NKD1: variants seen among roughly 807,000 people sequenced by gnomAD.
NKD1 encodes NKD inhibitor of Wnt signaling pathway 1, also known as protein naked cuticle homolog 1.
Under a neutral mutation model 56.0 loss-of-function variants are expected in NKD1, and 21 were observed. That is an observed-to-expected ratio of 0.38 (90% CI 0.27 to 0.54). The LOEUF (loss-of-function observed/expected upper bound fraction) is 0.54, where lower values mean the gene tolerates loss of function less well. NKD1 is among the 20% of genes least tolerant of loss of function. The pLI is 0.82. For missense variants in NKD1, 578 were observed against 642.7 expected (o/e 0.90, Z 1.09); for synonymous variants, 263 against 265.7 (o/e 0.99, Z 0.10).
Position 50,646,512 on chromosome 16 carries a change from C to G in NKD1, c.*12731C>G, listed in dbSNP as rs1962683256. 1.3e-5 allele frequency: 2 copies of G among 152,104 alleles called. No homozygotes were observed. Among genetic ancestry groups the G allele is most frequent in the South Asian group, 4.2e-4 (2 of 4,818 alleles). The allele number at this position is 152,104 out of a possible 1,614,324, so 9.4% of individuals were successfully genotyped here. ...GGAGGAGGCGGCCTTGTGGCAGGTG[C>G]TGGGAGGCAGGGACTGGGGCCGGGC... On this transcript the variant is annotated 3_prime_UTR_variant, in exon 10 of 10. Coordinates refer to ENST00000268459, the MANE Select transcript of NKD1 (RefSeq NM_033119.5).
chr16:50,598,229 C>CTGTGTGTGTGTGTGTGTGTGTGTGTG lies in NKD1; in HGVS notation c.193-10056_193-10031dup, dbSNP rs5816707. 7.0e-6 allele frequency among the ~76,000 whole-genome samples: 1 copy of CTGTGTGTGTGTGTGTGTGTGTGTGTG among 143,862 alleles called. No individual in the cohort carries two copies. The highest frequency in any genetic ancestry group is 2.6e-5 in the African/African-American group (1 of 37,852). 94.4% of individuals were successfully genotyped at this position (143,862 alleles called of 152,430 possible). ...CACTGCAGGGCCGCATGGGTGGACTCTGTGTGTGTGTGTGTGTGTGTGTGT... is the reference window on the plus strand; with the variant it reads ...CACTGCAGGGCCGCATGGGTGGACTCTGTGTGTGTGTGTGTGTGTGTGTGTGTGTGTGTGTGTGTGTGTGTGTGTGT... On this transcript the variant is annotated intron_variant, in intron 3 of 9. Coordinates refer to ENST00000268459, the MANE Select transcript of NKD1 (RefSeq NM_033119.5). This position sits in a 1 kb window ranked among gnomAD's most constrained non-coding sequence, Gnocchi z 4.2.
rs1291914607 is a variant in NKD1, at chr16:50,641,602, C to T, written c.*7821C>T. On this transcript the variant is annotated 3_prime_UTR_variant, in exon 10 of 10. Coordinates refer to ENST00000268459, the MANE Select transcript of NKD1 (RefSeq NM_033119.5). ...TTCCAATGGTGCACATGCCTTTTTT[C>T]CTGCGCCCGGAGCCCCTCTCAGCCT... 1 of 152,198 alleles carries T rather than the reference C, an allele frequency of 6.6e-6. No homozygotes were observed. The highest frequency in any genetic ancestry group is 1.5e-5 in the Non-Finnish European group (1 of 68,056). 9.4% of individuals were successfully genotyped at this position (152,198 alleles called of 1,614,324 possible).
chr16:50,596,010 C>T (rs374469068), intron 3 of NKD1, among the ~76,000 whole-genome samples: 20 of 152,226 alleles, frequency 1.3e-4, no homozygotes, highest in African/African-American at 3.9e-4. Context: ...CCTGAGCCCC[C>T]GATGACAGCC....
intron 3 of NKD1, among the ~76,000 whole-genome samples, chr16:50,562,671 G>T (rs968172574): frequency 5.9e-5 from 9 of 152,108 alleles, no homozygotes; most frequent in Non-Finnish European, 8.8e-5. Flanking sequence ...CTGAGCCTGA[G>T]TCAGAACCTT....
rs1962329412 is a variant in NKD1, at chr16:50,630,864, A to G, written c.649A>G (p.Thr217Ala). Residue 217 changes from threonine to alanine, a missense_variant, in exon 8 of 10, where the codon ACT becomes GCT. Transcript: ENST00000268459. ...SARPRAETKP[T>A]EDLRSWEKKQ... ...AAGGCCCCGAGCAGAGACCAAGCCCACTGAGGACCTGCGGAGCTGGGAGAA... is the reference window on the plus strand; with the variant it reads ...AAGGCCCCGAGCAGAGACCAAGCCCGCTGAGGACCTGCGGAGCTGGGAGAA... 1.9e-6 allele frequency: 3 copies of G among 1,606,966 alleles called. No individual in the cohort carries two copies. Among genetic ancestry groups the G allele is most frequent in the Non-Finnish European group, 2.5e-6 (3 of 1,177,276 alleles).
intron 3 of NKD1, among the ~76,000 whole-genome samples, chr16:50,585,571 G>C (rs187727318): frequency 1.5e-4 from 23 of 152,330 alleles, no homozygotes; most frequent in Admixed American, 1.4e-3. Flanking sequence ...CGTGGAGCTG[G>C]CTCTCCAGAG....
chr16:50,571,542 C>G, intron 3 of NKD1: 1 of 985,330 alleles, frequency 1.0e-6, no homozygotes, highest in Non-Finnish European at 1.2e-6. Context: ...TCCCAGCCTC[C>G]CAGTCCCAGT....
At chr16:50,569,953 C>T (rs1247821015) in intron 3 of NKD1, among the ~76,000 whole-genome samples, 2 of 152,164 alleles carry the variant, frequency 1.3e-5, no homozygotes, top group Admixed American at 1.3e-4. Flanking sequence ...CGGGCGGGCA[C>T]TGCCTACCAT....
At chr16:50,622,402 G>C (rs1271514880) in intron 5 of NKD1, among the ~76,000 whole-genome samples, 1 of 152,038 alleles carries the variant, frequency 6.6e-6, no homozygotes, top group East Asian at 1.9e-4. Context: ...GCACGCTCCT[G>C]TGCCCCCAGC....
At chr16:50,560,408 G>A (rs1160338431) in intron 3 of NKD1, among the ~76,000 whole-genome samples, 1 of 152,230 alleles carries the variant, frequency 6.6e-6, no homozygotes, top group African/African-American at 2.4e-5. Context: ...TGTGTGCCAG[G>A]CTCTGGGCCA....
chr16:50,620,798 C>T (rs1193385639), intron 4 of NKD1, among the ~76,000 whole-genome samples: 1 of 152,168 alleles, frequency 6.6e-6, no homozygotes, highest in Admixed American at 6.5e-5. Flanking sequence ...AAAATAGTGT[C>T]AGTAGGTCCT....
At position 50,598,229 on chromosome 16, in the gene NKD1, CTGTGTGTG is replaced by C. The variant is rs5816707; in HGVS notation, c.193-10038_193-10031del. 3.9e-4 allele frequency among the ~76,000 whole-genome samples: 56 copies of C among 143,960 alleles called. No individual in the cohort carries two copies. Among genetic ancestry groups the C allele is most frequent in the African/African-American group, 1.4e-3 (52 of 37,956 alleles). The allele number at this position is 143,960 out of a possible 152,430, so 94.4% of individuals were successfully genotyped here. On this transcript the variant is annotated intron_variant, in intron 3 of 9. Transcript: ENST00000268459. This position sits in a 1 kb window ranked among gnomAD's most constrained non-coding sequence, Gnocchi z 4.2. ...CACTGCAGGGCCGCATGGGTGGACTCTGTGTGTGTGTGTGTGTGTGTGTGTGTGTGTGT... is the reference window on the plus strand; with the variant it reads ...CACTGCAGGGCCGCATGGGTGGACTCTGTGTGTGTGTGTGTGTGTGTGTGT...
chr16:50,564,996 C>T (rs1028051440), intron 3 of NKD1, among the ~76,000 whole-genome samples: 2 of 152,146 alleles, frequency 1.3e-5, no homozygotes, highest in Non-Finnish European at 2.9e-5. Context: ...GCACAGACAG[C>T]AGAAGCTGTC....
At chr16:50,581,506 C>CT (rs1281531719) in intron 3 of NKD1, among the ~76,000 whole-genome samples, 3 of 152,338 alleles carry the variant, frequency 2.0e-5, no homozygotes, top group South Asian at 4.1e-4. Flanking sequence ...GCATTCCTGC[C>CT]TGTACCTGCT....
chr16:50,608,885 T>C (rs1156741425), intron 4 of NKD1, among the ~76,000 whole-genome samples: 1 of 152,154 alleles, frequency 6.6e-6, no homozygotes, highest in African/African-American at 2.4e-5. Context: ...TGGAGTGCAG[T>C]AGGTAATTGT....
chr16:50,601,622 G>A (rs1220436971), intron 3 of NKD1, among the ~76,000 whole-genome samples: 1 of 152,214 alleles, frequency 6.6e-6, no homozygotes, highest in Non-Finnish European at 1.5e-5. Context: ...ATGCAGCCTT[G>A]GCACCAGAGA....
intron 3 of NKD1, among the ~76,000 whole-genome samples, chr16:50,567,631 C>T (rs1960790922): frequency 6.6e-6 from 1 of 152,194 alleles, no homozygotes; most frequent in Admixed American, 6.5e-5. Context: ...CAGGTGACAG[C>T]TCCCTTGTGT....
chr16:50,635,549 G>C lies in NKD1; in HGVS notation c.*1768G>C, dbSNP rs544616080. 3 of 152,344 alleles carry C rather than the reference G, an allele frequency of 2.0e-5. No individual in the cohort carries two copies. The highest frequency in any genetic ancestry group is 6.5e-5 in the Admixed American group (1 of 15,306). 9.4% of individuals were successfully genotyped at this position (152,344 alleles called of 1,614,324 possible). A position where few individuals can be genotyped will look rare whatever the true frequency, so the allele number is the denominator to read the frequency against. On this transcript the variant is annotated 3_prime_UTR_variant, in exon 10 of 10. Coordinates refer to ENST00000268459, the MANE Select transcript of NKD1 (RefSeq NM_033119.5). The surrounding 1 kb of genome is among the most constrained non-coding windows in gnomAD (Gnocchi z 4.1). ...GTTTGGGTTTAATGTAGTTAGTAAG[G>C]AGTTACTTCCAAAGGTAGTGGGCTT...
chr16:50,625,261 C>A (rs1962183368), intron 5 of NKD1: 1 of 584,294 alleles, frequency 1.7e-6, no homozygotes, highest in Non-Finnish European at 3.1e-6. Flanking sequence ...CCACCAGGCA[C>A]CCCTGCAGGC....
Sources: gnomAD v4.1 joint callset for allele counts (sites outside exome capture counted in the v4.1 genomes callset) on GRCh38, gnomAD v4.1.1 for gene constraint, Gnocchi (gnomAD v3.1) non-coding constraint, MANE v1.5 for transcripts, NCBI Gene and HGNC (gene_info 2026-07-23, HGNC 2026-07-21) for gene names.